HECW1: variants seen among roughly 807,000 people sequenced by gnomAD.
HECW1 encodes HECT, C2 and WW domain containing E3 ubiquitin protein ligase 1, also known as E3 ubiquitin-protein ligase HECW1.
Under a neutral mutation model 182.3 loss-of-function variants are expected in HECW1, and 61 were observed. The observed-to-expected ratio is 0.33, with a 90% CI of 0.27 to 0.41. HECW1 has a LOEUF of 0.41. HECW1 is among the 10% of genes least tolerant of loss of function. HECW1 has a pLI of 1.00. For missense variants in HECW1, 1,739 were observed against 2,108.9 expected, an observed-to-expected ratio of 0.82 and a Z score of 3.44; for synonymous variants, 859 against 832.6, an observed-to-expected ratio of 1.03 and a Z score of -0.55.
In HECW1 at chr7:43,264,617, G is replaced by A. The variant is rs544413295; in HGVS notation, c.27+20685G>A. 3.9e-5 allele frequency among the ~76,000 whole-genome samples: 6 copies of A among 152,088 alleles called. No individual in the cohort carries two copies. The South Asian group carries it at 1.0e-3, about 26-fold the overall frequency. ...TCTCAGCACTTTGGGAGGCCAAGGC[G>A]GGCAGATCACAAGGTCAGGAGACCA... On this transcript the variant is annotated intron_variant, in intron 3 of 29. Coordinates refer to ENST00000395891, the MANE Select transcript of HECW1 (RefSeq NM_015052.5).
At chr7:43,185,050 G>A (rs1010465451) in intron 2 of HECW1, among the ~76,000 whole-genome samples, 1 of 152,014 alleles carries the variant, frequency 6.6e-6, no homozygotes, top group African/African-American at 2.4e-5. Context: ...TCCAACATTG[G>A]GGATTACACT....
At chr7:43,270,680 GA>G (rs201853678) in intron 3 of HECW1, among the ~76,000 whole-genome samples, 1,909 of 152,154 alleles carry the variant, frequency 0.013, 30 homozygotes, top group South Asian at 0.071. Flanking sequence ...CAAGGTATTA[GA>G]AAAAATCAAT....
intron 2 of HECW1, among the ~76,000 whole-genome samples, chr7:43,151,584 A>G (rs1026110062): frequency 3.3e-5 from 5 of 152,242 alleles, no homozygotes; most frequent in Non-Finnish European, 7.3e-5. Flanking sequence ...GCTTTGAAAA[A>G]GGAAATTTAA....
intron 9 of HECW1, among the ~76,000 whole-genome samples, chr7:43,441,861 G>C (rs745578125): frequency 2.0e-5 from 3 of 152,194 alleles, no homozygotes; most frequent in Non-Finnish European, 2.9e-5. Flanking sequence ...AAAAACAGGT[G>C]GTGGGCCACA....
At chr7:43,121,306 C>T (rs1207076118) in intron 2 of HECW1, among the ~76,000 whole-genome samples, 1 of 152,144 alleles carries the variant, frequency 6.6e-6, no homozygotes, top group East Asian at 1.9e-4. Context: ...TCCTCTGGGC[C>T]ACACTGACTT....
intron 6 of HECW1, among the ~76,000 whole-genome samples, chr7:43,383,892 G>T (rs1413766127): frequency 6.6e-6 from 1 of 152,156 alleles, no homozygotes; most frequent in Non-Finnish European, 1.5e-5. Context: ...AATAAAGTAA[G>T]CTAGAGAAAA....
At position 43,378,969 on chromosome 7, in the gene HECW1, TG is replaced by T. The variant is rs200230316; in HGVS notation, c.556-17841del. Reference sequence around the variant, plus strand: ...CAACCTACCTTCCAGACATAGAACATGGGGTGGTTATTGCTTATGGGGGGGC... The same window carrying T: ...CAACCTACCTTCCAGACATAGAACATGGGTGGTTATTGCTTATGGGGGGGC... On this transcript the variant is annotated intron_variant, in intron 6 of 29. Coordinates refer to ENST00000395891, the MANE Select transcript of HECW1 (RefSeq NM_015052.5). Among the ~76,000 whole-genome samples the T allele has an allele frequency of 5.4e-3, 818 of 152,184 alleles. 8 individuals are homozygous for T. The highest frequency in any genetic ancestry group is 0.019 in the African/African-American group (777 of 41,516).
intron 15 of HECW1, 68 bp downstream of exon 15, chr7:43,466,636 C>CATCT: frequency 6.5e-7 from 1 of 1,527,230 alleles, no homozygotes; most frequent in African/African-American, 1.4e-5. Context: ...TTTGTAAAGT[C>CATCT]ATCTGATAGA....
chr7:43,537,512 C>T (rs1218629525), intron 24 of HECW1, among the ~76,000 whole-genome samples: 2 of 152,014 alleles, frequency 1.3e-5, no homozygotes, highest in African/African-American at 4.8e-5. Context: ...GATAAATATA[C>T]AAGATAAATA....
chr7:43,310,272 T>C (rs1006734579), intron 3 of HECW1, among the ~76,000 whole-genome samples: 8 of 152,178 alleles, frequency 5.3e-5, no homozygotes, highest in Admixed American at 2.6e-4. Flanking sequence ...AGAATAGCCA[T>C]GGTGCCTTGA....
intron 19 of HECW1, among the ~76,000 whole-genome samples, chr7:43,494,161 A>G (rs2079032240): frequency 6.6e-6 from 1 of 150,758 alleles, no homozygotes; most frequent in Non-Finnish European, 1.5e-5. Context: ...CCCCTCCAAC[A>G]CCCCCTCATT....
At chr7:43,447,220 A>G (rs2077085974) in intron 11 of HECW1, among the ~76,000 whole-genome samples, 1 of 152,096 alleles carries the variant, frequency 6.6e-6, no homozygotes, top group African/African-American at 2.4e-5. Flanking sequence ...GCTCAGAGCC[A>G]TACAACCCTG....
rs573302694 is a variant in HECW1 at position 43,243,098 on chromosome 7, G to A, written c.-31-777G>A. Among the ~76,000 whole-genome samples, 110 of 152,232 alleles carry A rather than the reference G, an allele frequency of 7.2e-4. No individual in the cohort carries two copies. In the Middle Eastern group the frequency reaches 0.02, roughly 28 times the overall value. On this transcript the variant is annotated intron_variant, in intron 2 of 29. Transcript: ENST00000395891. The surrounding 1 kb of genome is among the most constrained non-coding windows in gnomAD (Gnocchi z 4.0). ...ATAGACTGCTTTTTTCTGGAATCAG[G>A]CCACATTGATTATTTTCATGGTGAC...
chr7:43,285,185 A>C (rs1384574905), intron 3 of HECW1, among the ~76,000 whole-genome samples: 1 of 152,178 alleles, frequency 6.6e-6, no homozygotes, highest in East Asian at 1.9e-4. Context: ...AAAAGGGGGA[A>C]ATGGAACAGG....
chr7:43,404,613 T>C (rs1375894158), intron 7 of HECW1, among the ~76,000 whole-genome samples: 1 of 152,218 alleles, frequency 6.6e-6, no homozygotes, highest in African/African-American at 2.4e-5. Flanking sequence ...AAAAGACTCA[T>C]TTATATTTGA....
chr7:43,455,821 G>A (rs1044500476), intron 12 of HECW1, among the ~76,000 whole-genome samples: 7 of 151,924 alleles, frequency 4.6e-5, no homozygotes, highest in African/African-American at 1.2e-4. Flanking sequence ...CCAACATGGT[G>A]AAACCCTGTC....
chr7:43,506,754 T>C (rs1301018783), intron 21 of HECW1, among the ~76,000 whole-genome samples: 5 of 152,126 alleles, frequency 3.3e-5, no homozygotes, highest in Non-Finnish European at 7.4e-5. Flanking sequence ...AAAGCTCATC[T>C]CTACTAAAAA....
chr7:43,404,376 A>G (rs2075533269), intron 7 of HECW1, among the ~76,000 whole-genome samples: 1 of 152,224 alleles, frequency 6.6e-6, no homozygotes, highest in Non-Finnish European at 1.5e-5. Context: ...TAAGATATAA[A>G]TTCAATGCAG....
intron 24 of HECW1, among the ~76,000 whole-genome samples, chr7:43,514,673 C>T (rs2080055932): frequency 6.6e-6 from 1 of 152,080 alleles, no homozygotes; most frequent in Non-Finnish European, 1.5e-5. Flanking sequence ...CTTTTTTATC[C>T]TTTTCATATT....
Sources: gnomAD v4.1 joint callset for allele counts (sites outside exome capture counted in the v4.1 genomes callset) on GRCh38, gnomAD v4.1.1 for gene constraint, Gnocchi (gnomAD v3.1) non-coding constraint, MANE v1.5 for transcripts, NCBI Gene and HGNC (gene_info 2026-07-23, HGNC 2026-07-21) for gene names.